Variants in MRTFA observed in about 807,000 individuals in gnomAD.
MRTFA encodes the protein myocardin related transcription factor A.
MRTFA carries 20 observed loss-of-function variants against 83.5 expected under a neutral mutation model. The ratio of observed to expected loss-of-function variants is 0.24; its 90% CI spans 0.17 to 0.35. The LOEUF is 0.35. Ranked by LOEUF, MRTFA falls within the 10% of genes least tolerant of loss-of-function variation. The pLI is 1.00. For synonymous variants in MRTFA, 659 were observed against 541.2 expected (o/e 1.22, Z -3.02); for missense variants, 1,200 against 1,224.7 (o/e 0.98, Z 0.30).
intron 3 of MRTFA, among the ~76,000 whole-genome samples, chr22:40,514,463 G>T (rs2054722415): frequency 6.7e-6 from 1 of 149,662 alleles, no homozygotes; most frequent in Non-Finnish European, 1.5e-5. Flanking sequence ...AAACAAAAAT[G>T]TCCCTCCTAC....
rs201694198 is a variant in MRTFA at position 40,538,985 on chromosome 22, C to CTTTTTTTTTTT, written c.241+13120_241+13121insAAAAAAAAAAA. ...GACATTATACTGCAGGATACACAGC[C>CTTTTTTTTTTT]TTTTGTTTTTTTTTTTTTTTTTTTT... is the stretch of plus-strand genomic sequence containing the variant. On this transcript the variant is annotated intron_variant, in intron 3 of 14. Transcript: ENST00000355630. Among the ~76,000 whole-genome samples, 4 of 106,886 alleles carry CTTTTTTTTTTT rather than the reference C, an allele frequency of 3.7e-5. 1 individual carries two copies. The highest frequency in any genetic ancestry group is 1.1e-4 in the African/African-American group (3 of 26,248). 70.1% of individuals were successfully genotyped at this position (106,886 alleles called of 152,430 possible).
intron 3 of MRTFA, chr22:40,526,774 A>C (rs1024974801): frequency 1.3e-5 from 2 of 152,194 alleles, no homozygotes; most frequent in African/African-American, 4.8e-5. Flanking sequence ...CAGACACTGC[A>C]AAAAGTTGTT....
intron 3 of MRTFA, among the ~76,000 whole-genome samples, chr22:40,539,384 G>A (rs148732208): frequency 6.7e-6 from 1 of 148,592 alleles, no homozygotes; most frequent in Admixed American, 6.7e-5. Context: ...CTGTCGCCCA[G>A]GCTGGAGTGC....
intron 2 of MRTFA, among the ~76,000 whole-genome samples, chr22:40,557,820 C>A (rs2147322150): frequency 6.6e-6 from 1 of 152,306 alleles, no homozygotes; most frequent in South Asian, 2.1e-4. Context: ...GAATCCCAGG[C>A]TGGAGTGCAG....
chr22:40,519,651 G>T, intron 3 of MRTFA: 1 of 1,246,464 alleles, frequency 8.0e-7, no homozygotes, highest in Non-Finnish European at 1.0e-6. Flanking sequence ...AAAAGCAATA[G>T]AATGTTCCAT....
intron 4 of MRTFA, among the ~76,000 whole-genome samples, chr22:40,438,324 TCA>T (rs1366444422): frequency 1.3e-5 from 2 of 152,202 alleles, no homozygotes; most frequent in Non-Finnish European, 2.9e-5. Flanking sequence ...TTTGGTTGAA[TCA>T]CTGGCTTGAT....
intron 3 of MRTFA, among the ~76,000 whole-genome samples, chr22:40,502,388 T>G (rs1490167301): frequency 2.2e-5 from 2 of 91,580 alleles, no homozygotes; most frequent in African/African-American, 9.1e-5. Flanking sequence ...AGACGGGGTC[T>G]CGGCCGGGCA....
At chr22:40,582,196 C>T (rs749298095) in intron 2 of MRTFA, among the ~76,000 whole-genome samples, 50 of 152,208 alleles carry the variant, frequency 3.3e-4, no homozygotes, top group Non-Finnish European at 6.5e-4. Flanking sequence ...AGGCTTCTTT[C>T]ACTTAGCATA....
At chr22:40,496,473 A>C (rs1489191611) in intron 3 of MRTFA, among the ~76,000 whole-genome samples, 1 of 148,566 alleles carries the variant, frequency 6.7e-6, no homozygotes, top group Non-Finnish European at 1.5e-5. Flanking sequence ...TTCTACATTA[A>C]ATAACTACTG....
chr22:40,604,143 CTTTTT>C (rs537351538), intron 1 of MRTFA, among the ~76,000 whole-genome samples: 216 of 108,860 alleles, frequency 2.0e-3, no homozygotes, highest in African/African-American at 7.0e-3. Flanking sequence ...TTTTTTTTTT[CTTTTT>C]GAGACAGAGT....
chr22:40,457,118 A>C (rs2053597771), intron 4 of MRTFA, among the ~76,000 whole-genome samples: 1 of 152,186 alleles, frequency 6.6e-6, no homozygotes, highest in South Asian at 2.1e-4. Context: ...TAATCCCAGC[A>C]CTTTGGGAGG....
chr22:40,625,433 T>C (rs1300976646), intron 1 of MRTFA, among the ~76,000 whole-genome samples: 2 of 149,762 alleles, frequency 1.3e-5, no homozygotes, highest in Admixed American at 6.7e-5. Flanking sequence ...CCAGGCAACA[T>C]AGCAAGGCCC....
At chr22:40,503,886 C>T (rs1013507492) in intron 3 of MRTFA, among the ~76,000 whole-genome samples, 1 of 151,770 alleles carries the variant, frequency 6.6e-6, no homozygotes. Context: ...CGTGCCACTG[C>T]ACTTCAGCCT....
intron 3 of MRTFA, chr22:40,521,699 T>C (rs2054870441): frequency 6.6e-6 from 1 of 152,110 alleles, no homozygotes; most frequent in Non-Finnish European, 1.5e-5. Flanking sequence ...GGTTTTACCA[T>C]GTTGGCCAGG....
At chr22:40,463,892 C>G (rs2053763059) in intron 3 of MRTFA, among the ~76,000 whole-genome samples, 1 of 152,148 alleles carries the variant, frequency 6.6e-6, no homozygotes, top group African/African-American at 2.4e-5. Context: ...AACAATTCAG[C>G]TAGATGACTC....
At chr22:40,452,601 A>C (rs1458035195) in intron 4 of MRTFA, among the ~76,000 whole-genome samples, 3 of 152,100 alleles carry the variant, frequency 2.0e-5, no homozygotes, top group African/African-American at 4.8e-5. Context: ...AGGTGGACGG[A>C]TCACCTGAGG....
chr22:40,581,930 C>T (rs1161811650), intron 2 of MRTFA, among the ~76,000 whole-genome samples: 1 of 152,148 alleles, frequency 6.6e-6, no homozygotes, highest in Non-Finnish European at 1.5e-5. Context: ...ATATAATTCA[C>T]ATACTATAAA....
chr22:40,614,940 C>T (rs960525630), intron 1 of MRTFA, among the ~76,000 whole-genome samples: 1 of 151,960 alleles, frequency 6.6e-6, no homozygotes, highest in South Asian at 2.1e-4. Context: ...CTGTGGCTTA[C>T]CTTTTTAGTT....
In MRTFA at chr22:40,538,337, G is replaced by A. The variant is rs546638757; in HGVS notation, c.241+13769C>T. 4.9e-5 allele frequency among the ~76,000 whole-genome samples: 7 copies of A among 143,408 alleles called. No individual in the cohort carries two copies. The South Asian group carries it at 9.0e-4, about 18-fold the overall frequency. The allele number at this position is 143,408 out of a possible 152,430, so 94.1% of individuals were successfully genotyped here. ...GTTAAATGGATTAAGGGCGGTGCAA[G>A]ATGTGCTTTGTTAAACAGATGCTTG... On this transcript the variant is annotated intron_variant, in intron 3 of 14. Transcript: ENST00000355630.
Sources: gnomAD v4.1 joint callset for allele counts (sites outside exome capture counted in the v4.1 genomes callset) on GRCh38, gnomAD v4.1.1 for gene constraint, MANE v1.5 for transcripts, NCBI Gene and HGNC (gene_info 2026-07-23, HGNC 2026-07-21) for gene names.